Variants in LIMK2 observed in about 807,000 individuals in gnomAD.
LIMK2 encodes LIM domain kinase 2.
LIMK2 carries 35 observed loss-of-function variants against 75.7 expected under a neutral mutation model. The observed-to-expected ratio is 0.46, with a 90% CI of 0.35 to 0.61. The LOEUF is 0.61. Ranked by LOEUF, LIMK2 falls within the 20% of genes least tolerant of loss-of-function variation. LIMK2 has a pLI of 0.00. For synonymous variants in LIMK2, 301 were observed against 319.2 expected, an observed-to-expected ratio of 0.94 and a Z score of 0.61; for missense variants, 623 against 831.0, an observed-to-expected ratio of 0.75 and a Z score of 3.08.
chr22:31,278,701 G>A lies in LIMK2; in HGVS notation c.*260G>A, dbSNP rs2049057057. Reference sequence around the variant, plus strand: ...GCTGTGAAGAAGAAAAAAACCCCTGGCCTTTGGGCCAGGAGGAATCTGTTA... The same window carrying A: ...GCTGTGAAGAAGAAAAAAACCCCTGACCTTTGGGCCAGGAGGAATCTGTTA... On this transcript the variant is annotated 3_prime_UTR_variant, in exon 16 of 16. Transcript: ENST00000331728. 1 of 317,586 alleles carries A rather than the reference G, an allele frequency of 3.1e-6. No individual in the cohort carries two copies. The highest frequency in any genetic ancestry group is 4.7e-5 in the Admixed American group (1 of 21,268). 19.7% of individuals were successfully genotyped at this position (317,586 alleles called of 1,614,324 possible). A position where few individuals can be genotyped will look rare whatever the true frequency, so the allele number is the denominator to read the frequency against.
chr22:31,254,717 G>A (rs1409359879), intron 2 of LIMK2, among the ~76,000 whole-genome samples: 3 of 152,142 alleles, frequency 2.0e-5, no homozygotes, highest in Non-Finnish European at 4.4e-5. Context: ...GCAGCACTTC[G>A]GGAGGCCAAG....
chr22:31,276,596 G>T (rs2123871628), intron 15 of LIMK2, among the ~76,000 whole-genome samples: 1 of 146,242 alleles, frequency 6.8e-6, no homozygotes, highest in Middle Eastern at 3.5e-3. Flanking sequence ...CCTCGCCGCG[G>T]AGCCGGCGAG....
Position 31,279,671 on chromosome 22 carries a change from C to T in LIMK2, c.*1230C>T, listed in dbSNP as rs1354482664. 6.6e-6 allele frequency: 1 copy of T among 152,230 alleles called. No homozygotes were observed. The highest frequency in any genetic ancestry group is 1.5e-5 in the Non-Finnish European group (1 of 68,052). The allele number at this position is 152,230 out of a possible 1,614,324, so 9.4% of individuals were successfully genotyped here. On this transcript the variant is annotated 3_prime_UTR_variant, in exon 16 of 16. Transcript: ENST00000331728. ...AACTCTTCATCACAACTAGATTTGC[C>T]TCTTCTAAGTGTCTATGAGCTTGCA...
intron 4 of LIMK2, 145 bp from the exon 5 acceptor site, chr22:31,259,744 T>A: frequency 1.9e-4 from 110 of 572,022 alleles, no homozygotes; most frequent in Middle Eastern, 1.1e-3. Context: ...AGGCTCCTCA[T>A]TCTGAGCAGC....
intron 2 of LIMK2, among the ~76,000 whole-genome samples, chr22:31,255,367 T>G (rs1374935181): frequency 1.3e-5 from 2 of 152,152 alleles, no homozygotes; most frequent in Non-Finnish European, 2.9e-5. Flanking sequence ...TTGAGACACT[T>G]CACAGCCATA....
intron 2 of LIMK2, among the ~76,000 whole-genome samples, chr22:31,236,642 G>T (rs902797276): frequency 4.0e-5 from 6 of 149,922 alleles, no homozygotes; most frequent in African/African-American, 9.8e-5. Context: ...AGCCAGGCGC[G>T]TTTGCTCACG....
chr22:31,234,818 C>T (rs1406535714), intron 2 of LIMK2, among the ~76,000 whole-genome samples: 1 of 152,000 alleles, frequency 6.6e-6, no homozygotes, highest in Non-Finnish European at 1.5e-5. Context: ...CTGCTCCCTG[C>T]ACTTCAGCCT....
chr22:31,271,525 G>T (rs1323422269), intron 12 of LIMK2, among the ~76,000 whole-genome samples: 1 of 152,014 alleles, frequency 6.6e-6, no homozygotes, highest in East Asian at 1.9e-4. Flanking sequence ...ACAGTTCATT[G>T]CTGACCCCAT....
intron 1 of LIMK2, among the ~76,000 whole-genome samples, chr22:31,217,489 C>T (rs574081647): frequency 2.0e-5 from 3 of 152,116 alleles, no homozygotes; most frequent in African/African-American, 7.2e-5. Flanking sequence ...TTTCCTCTTC[C>T]GTAAAATGAG....
At chr22:31,223,378 G>T (rs1246885098) in intron 1 of LIMK2, among the ~76,000 whole-genome samples, 1 of 152,136 alleles carries the variant, frequency 6.6e-6, no homozygotes, top group Non-Finnish European at 1.5e-5. Flanking sequence ...TTGAATTTTG[G>T]AAATAGAAAT....
chr22:31,276,959 A>G, intron 15 of LIMK2: 1 of 1,613,860 alleles, frequency 6.2e-7, no homozygotes, highest in South Asian at 1.1e-5. Context: ...TGCCAGGAAG[A>G]GGAGATCTCA....
At chr22:31,271,251 CT>C in intron 12 of LIMK2, 50 bp downstream of exon 12, 2 of 1,525,964 alleles carry the variant, frequency 1.3e-6, no homozygotes, top group Non-Finnish European at 1.8e-6. Context: ...TCCTTCCTGG[CT>C]TCCTTGTCAC....
chr22:31,261,662 G>C (rs1467666370), intron 5 of LIMK2, among the ~76,000 whole-genome samples: 1 of 152,188 alleles, frequency 6.6e-6, no homozygotes, highest in Non-Finnish European at 1.5e-5. Context: ...CAGTTACTCA[G>C]GAGGCTGAGG....
chr22:31,248,247 T>C, intron 2 of LIMK2: 1 of 838,966 alleles, frequency 1.2e-6, no homozygotes, highest in South Asian at 1.8e-5. Flanking sequence ...ACCCCTTGCC[T>C]GCAAGGTCTG....
At chr22:31,241,330 C>T (rs1032162003) in intron 2 of LIMK2, among the ~76,000 whole-genome samples, 2 of 152,316 alleles carry the variant, frequency 1.3e-5, no homozygotes, top group African/African-American at 4.8e-5. Flanking sequence ...TTTGTCAGTT[C>T]CTAGACCTGT....
chr22:31,235,235 G>A lies in LIMK2; in HGVS notation c.116+9416G>A, dbSNP rs188937238. Among the ~76,000 whole-genome samples, 1,183 of 152,262 alleles carry A rather than the reference G, an allele frequency of 7.8e-3. 7 individuals carry two copies. The highest frequency in any genetic ancestry group is 0.014 in the Middle Eastern group (4 of 294). ...GCTAGAGGTGGCCAAGAGATATGAT[G>A]TAAGTCAGGCTTTTCCCTGCCCTTC... is the stretch of plus-strand genomic sequence containing the variant. On this transcript the variant is annotated intron_variant, in intron 2 of 15. Coordinates refer to ENST00000331728, the MANE Select transcript of LIMK2 (RefSeq NM_005569.4).
chr22:31,216,126 G>A (rs1703591748), intron 1 of LIMK2, among the ~76,000 whole-genome samples: 1 of 152,184 alleles, frequency 6.6e-6, no homozygotes, highest in Admixed American at 6.5e-5. Flanking sequence ...GAGTTGTCAG[G>A]GAATGTGTTT....
chr22:31,221,365 C>A (rs1474618226), intron 1 of LIMK2, among the ~76,000 whole-genome samples: 1 of 150,538 alleles, frequency 6.6e-6, no homozygotes, highest in African/African-American at 2.5e-5. Context: ...AATTTGTATT[C>A]ATCCTTTAGA....
chr22:31,276,815 G>T, intron 15 of LIMK2: 3 of 1,611,366 alleles, frequency 1.9e-6, no homozygotes, highest in Non-Finnish European at 1.7e-6. Context: ...GCAGGAGAGG[G>T]CCCGGGCTGC....
Sources: gnomAD v4.1 joint callset for allele counts (sites outside exome capture counted in the v4.1 genomes callset) on GRCh38, gnomAD v4.1.1 for gene constraint, MANE v1.5 for transcripts, NCBI Gene and HGNC (gene_info 2026-07-23, HGNC 2026-07-21) for gene names.